The following ARID1B variants were observed in gnomAD, a reference collection of about 807,000 sequenced individuals.
ARID1B encodes the protein AT-rich interaction domain 1B, also known as AT-rich interactive domain-containing protein 1B.
A neutral mutation model predicts 212.3 loss-of-function variants in ARID1B; 30 were observed. That is an observed-to-expected ratio of 0.14 (90% CI 0.11 to 0.19). The LOEUF is 0.19. Ranked by LOEUF, ARID1B falls within the 10% of genes least tolerant of loss-of-function variation. ARID1B has a pLI of 1.00. For missense variants in ARID1B, 2,891 were observed against 3,204.0 expected (o/e 0.90, Z 2.36); for synonymous variants, 1,402 against 1,301.7 (o/e 1.08, Z -1.66).
intron 8 of ARID1B, chr6:157,150,100 GTTGAAA>G (rs1262319901): frequency 6.6e-6 from 1 of 152,192 alleles, no homozygotes; most frequent in Non-Finnish European, 1.5e-5. Context: ...TGGTTTGGCT[GTTGAAA>G]TTGAAGTTCT....
intron 2 of ARID1B, among the ~76,000 whole-genome samples, chr6:156,897,246 CTTCTTCTTCTTCTTCTTCTTA>C (rs1320970515): frequency 1.2e-4 from 12 of 103,562 alleles, no homozygotes; most frequent in African/African-American, 3.5e-4. Context: ...TCTTCTTCTT[CTTCTTCTTCTTCTTCTTCTTA>C]TTATTATTAT....
At chr6:156,905,697 C>A (rs748534167) in intron 3 of ARID1B, among the ~76,000 whole-genome samples, 18 of 152,138 alleles carry the variant, frequency 1.2e-4, no homozygotes, top group Non-Finnish European at 2.2e-4. Context: ...TAGTATTGTA[C>A]TGTTTCTCTA....
intron 3 of ARID1B, among the ~76,000 whole-genome samples, chr6:156,933,810 G>A (rs978825388): frequency 5.3e-5 from 8 of 152,128 alleles, no homozygotes; most frequent in Non-Finnish European, 8.8e-5. Context: ...AAGGGAAGAA[G>A]GGCTACATGT....
intron 12 of ARID1B, among the ~76,000 whole-genome samples, chr6:157,182,519 A>C (rs1792628060): frequency 6.6e-6 from 1 of 152,024 alleles, no homozygotes; most frequent in South Asian, 2.1e-4. Flanking sequence ...GCGCCCCACC[A>C]AGGTGGCGGG....
chr6:156,782,122 G>T, intron 1 of ARID1B, among the ~76,000 whole-genome samples: 1 of 149,366 alleles, frequency 6.7e-6, no homozygotes, highest in South Asian at 2.1e-4. Flanking sequence ...TTTTCTTTTT[G>T]GAAGTTAGTA....
rs1410863573 is a variant in ARID1B, at chr6:156,778,405, A to G, written c.725A>G (p.His242Arg). 5 of 1,531,648 alleles carry G rather than the reference A, an allele frequency of 3.3e-6. No individual in the cohort carries two copies. Among genetic ancestry groups the G allele is most frequent in the Non-Finnish European group, 3.5e-6 (4 of 1,144,304 alleles). The allele number at this position is 1,531,648 out of a possible 1,614,324, so 94.9% of individuals were successfully genotyped here. Reference sequence around the variant, plus strand: ...GGCCCCGACATGGAGCAGCCGCAACATGGAGGCGCCAAGGACAGTGCTGCG... The same window carrying G: ...GGCCCCGACATGGAGCAGCCGCAACGTGGAGGCGCCAAGGACAGTGCTGCG... ...QPGPDMEQPQ[H>R]GGAKDSAAGG... Residue 242 changes from histidine (H) to arginine (R), a missense_variant, in exon 1 of 20, where the codon CAT becomes CGT. Coordinates refer to ENST00000636930, the MANE Select transcript of ARID1B (RefSeq NM_001374828.1).
chr6:157,085,303 C>T (rs912514767), intron 5 of ARID1B, among the ~76,000 whole-genome samples: 5 of 152,120 alleles, frequency 3.3e-5, no homozygotes, highest in Admixed American at 1.3e-4. Context: ...CTTGCCACAG[C>T]ATTTATTTTC....
chr6:157,059,077 T>TG (rs1286838797), intron 4 of ARID1B, among the ~76,000 whole-genome samples: 13 of 152,008 alleles, frequency 8.6e-5, no homozygotes, highest in African/African-American at 3.1e-4. Flanking sequence ...GTTTTTTTTT[T>TG]TTGATAAAAA....
intron 5 of ARID1B, among the ~76,000 whole-genome samples, chr6:157,101,312 T>C (rs1786036187): frequency 6.6e-6 from 1 of 152,208 alleles, no homozygotes; most frequent in Non-Finnish European, 1.5e-5. Context: ...GGGAGTAACT[T>C]GATCATGATA....
chr6:156,921,634 TC>T (rs1265690831), intron 3 of ARID1B, among the ~76,000 whole-genome samples: 1 of 152,330 alleles, frequency 6.6e-6, no homozygotes, highest in East Asian at 1.9e-4. Context: ...ATATTGTTTT[TC>T]TGAAAGTCTG....
chr6:157,011,930 CAAAGAG>C (rs147392310), intron 4 of ARID1B, among the ~76,000 whole-genome samples: 2,908 of 152,222 alleles, frequency 0.019, 103 homozygotes, highest in African/African-American at 0.066. Context: ...ACATCAAAGA[CAAAGAG>C]AAAGTCTAGA....
rs1441433948 is a variant in ARID1B, at chr6:157,174,787, A to AT, written c.3346-56dup. The AT allele has an allele frequency of 2.2e-6, 3 of 1,344,392 alleles. No homozygotes were observed. In the African/African-American group the frequency reaches 4.7e-5, roughly 21 times the overall value. 83.3% of individuals were successfully genotyped at this position (1,344,392 alleles called of 1,614,324 possible). On this transcript the variant is annotated intron_variant, in intron 10 of 19. Transcript: ENST00000636930. ...TGTTAAAGTGGATGTACTTTTTGTTATTTTAAATAAAGTTTGCCCTACCTT... is the reference window on the plus strand; with the variant it reads ...TGTTAAAGTGGATGTACTTTTTGTTATTTTTAAATAAAGTTTGCCCTACCTT...
chr6:157,196,350 A>T (rs1317470721), intron 16 of ARID1B, 35 bp downstream of exon 16: 1 of 1,576,854 alleles, frequency 6.3e-7, no homozygotes, highest in East Asian at 2.3e-5. Context: ...ATGATGATTT[A>T]CTAGAAACCG....
At chr6:156,976,048 A>C (rs2356043) in intron 4 of ARID1B, among the ~76,000 whole-genome samples, 7 of 151,806 alleles carry the variant, frequency 4.6e-5, no homozygotes, top group South Asian at 2.1e-4. Flanking sequence ...GGACGGGGGA[A>C]TATCATAAAG....
intron 6 of ARID1B, among the ~76,000 whole-genome samples, chr6:157,128,367 G>C (rs1009265093): frequency 2.0e-5 from 3 of 151,990 alleles, no homozygotes; most frequent in Admixed American, 1.3e-4. Context: ...CTTTCTTCAT[G>C]ATGCTTATTA....
chr6:156,819,355 ATATAT>A (rs1384881049), intron 1 of ARID1B, among the ~76,000 whole-genome samples: 2 of 152,218 alleles, frequency 1.3e-5, no homozygotes, highest in Non-Finnish European at 2.9e-5. Flanking sequence ...AAAAATGGAA[ATATAT>A]TCTATTACTA....
At chr6:156,882,039 G>A (rs993081170) in intron 2 of ARID1B, among the ~76,000 whole-genome samples, 2 of 152,138 alleles carry the variant, frequency 1.3e-5, no homozygotes, top group Admixed American at 6.5e-5. Context: ...TGTATGCCTA[G>A]CATGGCCCTG....
intron 2 of ARID1B, among the ~76,000 whole-genome samples, chr6:156,891,377 G>T (rs1172484101): frequency 1.3e-5 from 2 of 152,170 alleles, no homozygotes; most frequent in African/African-American, 2.4e-5. Flanking sequence ...AAAAATTAAG[G>T]AGCTTTCTTC....
intron 7 of ARID1B, among the ~76,000 whole-genome samples, chr6:157,143,437 T>G (rs1244470661): frequency 2.0e-5 from 3 of 148,502 alleles, no homozygotes; most frequent in African/African-American, 7.5e-5. Flanking sequence ...ATCGAGTAGT[T>G]GGGGGGGGCA....
Sources: allele counts gnomAD v4.1 joint callset (sites outside exome capture counted in the v4.1 genomes callset), GRCh38; gene constraint gnomAD v4.1.1; transcripts MANE v1.5; gene names NCBI Gene and HGNC (gene_info 2026-07-23, HGNC 2026-07-21).